PACS1: variants seen among roughly 807,000 people sequenced by gnomAD.
The protein encoded by PACS1 is PACS-1.
Under a neutral mutation model 115.0 loss-of-function variants are expected in PACS1, and 24 were observed. That is an observed-to-expected ratio of 0.21 (90% CI 0.15 to 0.29). PACS1 has a LOEUF of 0.29. Among genes scored for constraint, PACS1 ranks in the 10% least tolerant of loss-of-function variants. PACS1 has a pLI of 1.00. For synonymous variants in PACS1, 453 were observed against 504.5 expected (o/e 0.90, Z 1.37); for missense variants, 838 against 1,251.2 (o/e 0.67, Z 4.98).
intron 13 of PACS1, 114 bp from the exon 14 acceptor site, chr11:66,232,058 T>TCTAACACC (rs767140613): frequency 1.4e-5 from 9 of 656,750 alleles, no homozygotes; most frequent in Non-Finnish European, 2.5e-5. Context: ...AGTCCTGATA[T>TCTAACACC]CTGTTCTCTC....
Position 66,230,916 on chromosome 11 carries a change from C to A in PACS1, c.1602C>A (p.Ser534=). ...CCAACAGTTCCGACAGCGAGCGCTC[C>A]CCAGATCTGGGCCACAGCACGCAGG... ...ERTNSSDSER[S]PDLGHSTQIP... Residue 534 remains serine (S), a synonymous_variant, in exon 13 of 24, where the codon TCC becomes TCA. Transcript: ENST00000320580. 1 of 1,614,116 alleles carries A rather than the reference C, an allele frequency of 6.2e-7. No homozygotes were observed. Among genetic ancestry groups the A allele is most frequent in the Non-Finnish European group, 8.5e-7 (1 of 1,179,980 alleles).
chr11:66,124,500 A>G (rs755639821), intron 1 of PACS1, among the ~76,000 whole-genome samples: 9 of 152,216 alleles, frequency 5.9e-5, no homozygotes, highest in Non-Finnish European at 1.2e-4. Flanking sequence ...CATTCAGGAT[A>G]ACTTCTGGGT....
chr11:66,103,297 T>C (rs1378446148), intron 1 of PACS1, among the ~76,000 whole-genome samples: 1 of 152,198 alleles, frequency 6.6e-6, no homozygotes, highest in African/African-American at 2.4e-5. Flanking sequence ...GTCAATTATA[T>C]GTAAAGTACA....
intron 1 of PACS1, among the ~76,000 whole-genome samples, chr11:66,156,343 C>G (rs971157282): frequency 4.8e-5 from 7 of 146,884 alleles, no homozygotes; most frequent in Non-Finnish European, 1.1e-4. Flanking sequence ...ACTTCTGCCC[C>G]CCGGGTTCAA....
At chr11:66,188,156 C>T (rs1389510239) in intron 1 of PACS1, among the ~76,000 whole-genome samples, 4 of 124,666 alleles carry the variant, frequency 3.2e-5, no homozygotes, top group African/African-American at 9.3e-5. Flanking sequence ...TTTTTTTAAT[C>T]GGATTTTTTT....
chr11:66,243,068 A>G, intron 23 of PACS1, 37 bp downstream of exon 23: 10 of 1,613,116 alleles, frequency 6.2e-6, no homozygotes, highest in Non-Finnish European at 8.5e-6. Context: ...AGGGCAAGAA[A>G]GGGACTGGAG....
chr11:66,132,029 G>A (rs190766253), intron 1 of PACS1, among the ~76,000 whole-genome samples: 1 of 151,942 alleles, frequency 6.6e-6, no homozygotes, highest in Admixed American at 6.6e-5. Flanking sequence ...ATCTCTGGGG[G>A]ATTGGTTCCA....
chr11:66,233,853 G>A lies in PACS1; in HGVS notation c.1907G>A (p.Ser636Asn). The change falls in exon 16 of 24, where the codon AGC (serine) becomes AAC (asparagine). Residue 636 changes from serine (S) to asparagine (N), a missense_variant. Ser to Asn is a conservative substitution (Grantham distance 46). This residue lies in a region of PACS1 where 383 missense variants were observed against 537.0 expected (regional missense o/e 0.71). Transcript: ENST00000320580. The surrounding 1 kb of genome is among the most constrained non-coding windows in gnomAD (Gnocchi z 4.5). The stretch of plus-strand genomic sequence containing the variant: ...GCTGTGGGAGGCCAGAGCTACCTGA[G>A]CTCCATCCTCAGGTTCTTTGTCAAG... ...VAAVGGQSYL[S>N]SILRFFVKSL... 1.2e-6 allele frequency: 2 copies of A among 1,611,882 alleles called. No individual in the cohort carries two copies. The highest frequency in any genetic ancestry group is 2.2e-5 in the South Asian group (2 of 90,812).
intron 7 of PACS1, 113 bp downstream of exon 7, chr11:66,216,888 C>T (rs1855225762): frequency 1.7e-6 from 1 of 593,308 alleles, no homozygotes; most frequent in Non-Finnish European, 3.0e-6. Flanking sequence ...CAGGGTCATC[C>T]CTTCAACGAT....
intron 1 of PACS1, among the ~76,000 whole-genome samples, chr11:66,160,694 G>A (rs2134624615): frequency 6.7e-6 from 1 of 148,708 alleles, no homozygotes; most frequent in African/African-American, 2.5e-5. Context: ...TTTGGCAGGG[G>A]AGTGAGGGTG....
intron 1 of PACS1, among the ~76,000 whole-genome samples, chr11:66,139,429 A>C (rs1590772197): frequency 2.6e-5 from 4 of 151,932 alleles, no homozygotes; most frequent in Admixed American, 6.6e-5. Context: ...GGTCTTATTC[A>C]TGCTTTGTAA....
At chr11:66,116,952 CAAAT>C (rs754235536) in intron 1 of PACS1, among the ~76,000 whole-genome samples, 3 of 151,408 alleles carry the variant, frequency 2.0e-5, no homozygotes, top group Non-Finnish European at 4.4e-5. Flanking sequence ...TAAGATAACA[CAAAT>C]AAAGGGCAGT....
Position 66,244,047 on chromosome 11 carries a change from T to C in PACS1, c.*767T>C, listed in dbSNP as rs1337174737. 3 of 152,322 alleles carry C rather than the reference T, an allele frequency of 2.0e-5. No individual in the cohort carries two copies. The highest frequency in any genetic ancestry group is 4.8e-5 in the African/African-American group (2 of 41,436). The allele number at this position is 152,322 out of a possible 1,614,324, so 9.4% of individuals were successfully genotyped here. A position where few individuals can be genotyped will look rare whatever the true frequency, so the allele number is the denominator to read the frequency against. ...TCTTTGGTTCTTTGCACGCCAAGTC[T>C]CTTGGTTGTACCATGTGACACACCC... On this transcript the variant is annotated 3_prime_UTR_variant, in exon 24 of 24. Transcript: ENST00000320580.
rs1858431764 is a variant in PACS1, at chr11:66,121,153, A to G, written c.356+50311A>G. 9.1e-6 allele frequency: 4 copies of G among 440,676 alleles called. 1 individual carries two copies. In the Admixed American group the frequency reaches 9.7e-5, roughly 11 times the overall value. The allele number at this position is 440,676 out of a possible 1,614,324, so 27.3% of individuals were successfully genotyped here. A position where few individuals can be genotyped will look rare whatever the true frequency, so the allele number is the denominator to read the frequency against. Reference sequence around the variant, plus strand: ...TTTTGGTAATTCTTGCAGTATTTAAAATTTTTTTATTATTGTGTTGGTTAC... The same window carrying G: ...TTTTGGTAATTCTTGCAGTATTTAAGATTTTTTTATTATTGTGTTGGTTAC... On this transcript the variant is annotated intron_variant, in intron 1 of 23. Coordinates refer to ENST00000320580, the MANE Select transcript of PACS1 (RefSeq NM_018026.4).
At chr11:66,197,417 C>G (rs77930168) in intron 2 of PACS1, among the ~76,000 whole-genome samples, 5,485 of 152,136 alleles carry the variant, frequency 0.036, 325 homozygotes, top group East Asian at 0.17. Flanking sequence ...TAAAATTCTA[C>G]TTTGGAAAAA....
At chr11:66,113,582 A>G (rs1858234151) in intron 1 of PACS1, among the ~76,000 whole-genome samples, 1 of 152,222 alleles carries the variant, frequency 6.6e-6, no homozygotes, top group Non-Finnish European at 1.5e-5. Context: ...AAGACATAAG[A>G]GTATATTTTA....
At chr11:66,074,941 G>GTTTTTTTTTTTTTTTT (rs71036269) in intron 1 of PACS1, among the ~76,000 whole-genome samples, 1 of 114,224 alleles carries the variant, frequency 8.8e-6, no homozygotes, top group Non-Finnish European at 1.6e-5. Flanking sequence ...TTTTTTTGGT[G>GTTTTTTTTTTTTTTTT]TTTTTTTTTT....
intron 1 of PACS1, among the ~76,000 whole-genome samples, chr11:66,076,169 TAGAA>T (rs1226705443): frequency 2.0e-5 from 3 of 152,256 alleles, no homozygotes; most frequent in African/African-American, 7.2e-5. Context: ...TTACATGAGT[TAGAA>T]AGATAATGAC....
chr11:66,155,139 G>A (rs1479734225), intron 1 of PACS1, among the ~76,000 whole-genome samples: 1 of 152,096 alleles, frequency 6.6e-6, no homozygotes, highest in African/African-American at 2.4e-5. Flanking sequence ...AGCTCAAAAC[G>A]GACCAAAGTC....
Sources: gnomAD v4.1 joint callset for allele counts (sites outside exome capture counted in the v4.1 genomes callset) on GRCh38, gnomAD v4.1.1 for gene constraint, gnomAD v4.1.1 regional missense constraint, Gnocchi (gnomAD v3.1) non-coding constraint, MANE v1.5 for transcripts, NCBI Gene and HGNC (gene_info 2026-07-23, HGNC 2026-07-21) for gene names.